ANK3: variants seen among roughly 807,000 people sequenced by gnomAD.
The protein encoded by ANK3 is ankyrin 3, also known as ankyrin-3.
ANK3 carries 57 observed loss-of-function variants against 370.9 expected under a neutral mutation model. That is an observed-to-expected ratio of 0.15 (90% CI 0.12 to 0.19). The LOEUF is 0.19. ANK3 is among the 10% of genes least tolerant of loss of function. The pLI is 1.00. For synonymous variants in ANK3, 1,929 were observed against 1,946.3 expected (o/e 0.99, Z 0.23); for missense variants, 4,439 against 5,302.1 (o/e 0.84, Z 5.06).
intron 2 of ANK3, among the ~76,000 whole-genome samples, chr10:60,573,817 G>C (rs2077647869): frequency 6.6e-6 from 1 of 152,172 alleles, no homozygotes; most frequent in Non-Finnish European, 1.5e-5. Flanking sequence ...AAGTGAGAGT[G>C]GGGTAACAAG....
rs116761884 is a variant in ANK3 at position 60,725,736 on chromosome 10, A to G, written c.57+7527T>C. 9.5e-3 allele frequency among the ~76,000 whole-genome samples: 1,448 copies of G among 152,270 alleles called. 28 individuals carry two copies. The highest frequency in any genetic ancestry group is 0.033 in the African/African-American group (1,355 of 41,546). Reference sequence around the variant, plus strand: ...AAAATATATAAATAGCTGCTTACAAAGGTAAGCAATTAGTGTTATTTTTGT... The same window carrying G: ...AAAATATATAAATAGCTGCTTACAAGGGTAAGCAATTAGTGTTATTTTTGT... On this transcript the variant is annotated intron_variant, in intron 1 of 43. Transcript: ENST00000373827.
intron 2 of ANK3, among the ~76,000 whole-genome samples, chr10:60,611,661 C>T (rs1185312787): frequency 6.6e-6 from 1 of 151,784 alleles, no homozygotes; most frequent in Admixed American, 6.6e-5. Flanking sequence ...AGTTCAAAGA[C>T]AAAAGAATTC....
intron 2 of ANK3, among the ~76,000 whole-genome samples, chr10:60,395,641 TCTCTCTC>T: frequency 6.6e-6 from 1 of 151,252 alleles, no homozygotes; most frequent in African/African-American, 2.4e-5. Flanking sequence ...TCTCTCTCTC[TCTCTCTC>T]TCTTTCTTTC....
At chr10:60,655,170 T>C (rs1689046598) in intron 1 of ANK3, among the ~76,000 whole-genome samples, 1 of 152,084 alleles carries the variant, frequency 6.6e-6, no homozygotes, top group Non-Finnish European at 1.5e-5. Context: ...TAGTATACTT[T>C]TTAATCATCA....
intron 2 of ANK3, among the ~76,000 whole-genome samples, chr10:60,443,292 TGTGTGTGTGTGC>T (rs1267874921): frequency 1.3e-5 from 2 of 151,908 alleles, no homozygotes; most frequent in Non-Finnish European, 2.9e-5. Context: ...GAATAAAATG[TGTGTGTGTGTGC>T]GTGTGTGTGT....
chr10:60,712,702 T>C (rs1564605285), intron 1 of ANK3, among the ~76,000 whole-genome samples: 2 of 152,162 alleles, frequency 1.3e-5, no homozygotes, highest in Non-Finnish European at 1.5e-5. Flanking sequence ...CAACTATATG[T>C]TGTCTATAAG....
rs183756229 is a variant in ANK3, at chr10:60,422,004, T to C, written c.97-142365A>G. Reference sequence around the variant, plus strand: ...AAAATTTTACATTTTTATAAGTAAATAAAAGGTCTTAGACAAAAGTTCAAA... The same window carrying C: ...AAAATTTTACATTTTTATAAGTAAACAAAAGGTCTTAGACAAAAGTTCAAA... On this transcript the variant is annotated intron_variant, in intron 2 of 43. Coordinates refer to the ANK3 transcript ENST00000373827. Among the ~76,000 whole-genome samples the C allele has an allele frequency of 6.2e-4, 95 of 152,198 alleles. 1 individual carries two copies. Among genetic ancestry groups the C allele is most frequent in the Non-Finnish European group, 9.9e-4 (67 of 67,972 alleles).
intron 1 of ANK3, among the ~76,000 whole-genome samples, chr10:60,649,474 G>A (rs1219350889): frequency 6.6e-6 from 1 of 151,566 alleles, no homozygotes; most frequent in African/African-American, 2.4e-5. Context: ...AAATACCAAG[G>A]GTAAGAACTA....
intron 2 of ANK3, among the ~76,000 whole-genome samples, chr10:60,425,689 T>C (rs147019060): frequency 2.6e-3 from 396 of 152,186 alleles, no homozygotes; most frequent in Non-Finnish European, 4.8e-3. Flanking sequence ...AAATAGATCA[T>C]GAAAGATTAA....
chr10:60,198,611 T>TC, intron 13 of ANK3, 74 bp from the exon 14 acceptor site: 1 of 1,359,532 alleles, frequency 7.4e-7, no homozygotes. Flanking sequence ...ATTCAGGGAA[T>TC]ATTAGCTGCT....
chr10:60,590,811 C>T (rs2077898772), intron 2 of ANK3, among the ~76,000 whole-genome samples: 1 of 152,124 alleles, frequency 6.6e-6, no homozygotes, highest in Admixed American at 6.5e-5. Context: ...AATGTAGATG[C>T]TATGTAAATA....
intron 42 of ANK3, chr10:60,044,207 G>A (rs1414661481): frequency 8.1e-6 from 8 of 984,024 alleles, no homozygotes; most frequent in Non-Finnish European, 9.7e-6. Flanking sequence ...AAGTAGCAGA[G>A]TTTTTAATGC....
intron 1 of ANK3, among the ~76,000 whole-genome samples, chr10:60,350,791 C>T (rs2056690100): frequency 6.6e-6 from 1 of 152,292 alleles, no homozygotes; most frequent in Middle Eastern, 3.4e-3. Context: ...CTGGGTTCCA[C>T]AGGGTCTCAG....
Position 60,074,284 on chromosome 10 carries a change from A to G in ANK3, c.6597T>C (p.Thr2199=). ...TGGGCTTTGGTTCCAATTCCATAAA[A>G]GTAGGTGAAGGTTTAGGTGACACAG... ...EEPVSPKPSP[T]FMELEPKPTT... is the part of the protein sequence containing the mutation. Residue 2199 remains threonine (T), a synonymous_variant, in exon 37 of 44, where the codon ACT becomes ACC. Coordinates refer to ENST00000280772, the MANE Select transcript of ANK3 (RefSeq NM_020987.5). The G allele has an allele frequency of 6.2e-7, 1 of 1,614,076 alleles. No individual in the cohort carries two copies. The highest frequency in any genetic ancestry group is 8.5e-7 in the Non-Finnish European group (1 of 1,179,998).
At chr10:60,368,785 T>A (rs1336671991) in intron 1 of ANK3, among the ~76,000 whole-genome samples, 3 of 152,222 alleles carry the variant, frequency 2.0e-5, no homozygotes, top group Non-Finnish European at 4.4e-5. Context: ...TACTTCTGAA[T>A]AATTCTCTAT....
intron 28 of ANK3, among the ~76,000 whole-genome samples, chr10:60,105,465 CAA>C (rs1162763920): frequency 6.6e-6 from 1 of 152,016 alleles, no homozygotes; most frequent in East Asian, 1.9e-4. Flanking sequence ...CAAGAGAAAT[CAA>C]AAATTTATGA....
At chr10:60,044,218 A>G in intron 42 of ANK3, 1 of 984,652 alleles carries the variant, frequency 1.0e-6, no homozygotes, top group Non-Finnish European at 1.2e-6. Context: ...TTTTTAATGC[A>G]GAAAATCTAA....
chr10:60,520,620 G>T (rs1263559889), intron 2 of ANK3, among the ~76,000 whole-genome samples: 1 of 151,968 alleles, frequency 6.6e-6, no homozygotes, highest in African/African-American at 2.4e-5. Context: ...TTGAACTTTT[G>T]TCTGTATATT....
chr10:60,144,379 A>T (rs2094711426), intron 23 of ANK3, among the ~76,000 whole-genome samples: 1 of 152,236 alleles, frequency 6.6e-6, no homozygotes, highest in South Asian at 2.1e-4. Context: ...ATGCCATTAG[A>T]GAAGGCCTCA....
Sources: allele counts gnomAD v4.1 joint callset (sites outside exome capture counted in the v4.1 genomes callset), GRCh38; gene constraint gnomAD v4.1.1; transcripts MANE v1.5; gene names NCBI Gene and HGNC (gene_info 2026-07-23, HGNC 2026-07-21).